INPP4A: variants seen among roughly 807,000 people sequenced by gnomAD.
The protein encoded by INPP4A is inositol polyphosphate-4-phosphatase, type I, 107kD.
In INPP4A, 33 loss-of-function variants were observed where a neutral mutation model predicts 119.8. That is an observed-to-expected ratio of 0.28 (90% CI 0.21 to 0.37). The LOEUF (loss-of-function observed/expected upper bound fraction) is 0.37. Among genes scored for constraint, INPP4A ranks in the 10% least tolerant of loss-of-function variants. The pLI, the probability that INPP4A is intolerant of heterozygous loss-of-function variation, is 1.00. For missense variants in INPP4A, 956 were observed against 1,289.9 expected, an observed-to-expected ratio of 0.74 and a Z score of 3.97; for synonymous variants, 496 against 500.7, an observed-to-expected ratio of 0.99 and a Z score of 0.12.
chr2:98,560,706 GTGC>G (rs1695321055), intron 17 of INPP4A, among the ~76,000 whole-genome samples: 1 of 152,230 alleles, frequency 6.6e-6, no homozygotes, highest in South Asian at 2.1e-4. Context: ...CGGCAGGCCA[GTGC>G]CTTCGGACTG....
At chr2:98,532,355 C>T (rs954008821) in intron 4 of INPP4A, among the ~76,000 whole-genome samples, 2 of 151,804 alleles carry the variant, frequency 1.3e-5, no homozygotes, top group African/African-American at 4.9e-5. Context: ...GTTGTGGACA[C>T]AATAACATAT....
At chr2:98,494,726 C>G (rs1336262346) in intron 1 of INPP4A, among the ~76,000 whole-genome samples, 4 of 152,134 alleles carry the variant, frequency 2.6e-5, no homozygotes, top group Admixed American at 2.6e-4. Flanking sequence ...TAAAGAGTGT[C>G]TGGGATCAGA....
rs558837018 is a variant in INPP4A, at chr2:98,499,446, C to T, written c.-165-19518C>T. Among the ~76,000 whole-genome samples, 6 of 152,314 alleles carry T rather than the reference C, an allele frequency of 3.9e-5. No homozygotes were observed. The South Asian group carries it at 1.2e-3, about 32-fold the overall frequency. ...CTCATCTAGCCTTGTTTAAGATCTG[C>T]AGAATGCTATATTTGTTTAACTTTA... On this transcript the variant is annotated intron_variant, in intron 1 of 24. Transcript: ENST00000409851.
At chr2:98,537,739 G>A in intron 7 of INPP4A, 124 bp from the exon 8 acceptor site, 3 of 684,860 alleles carry the variant, frequency 4.4e-6, no homozygotes, top group Non-Finnish European at 8.0e-6. Flanking sequence ...CTGACTGACT[G>A]GTCAGTCAGC....
At chr2:98,540,011 C>T (rs953343437) in intron 10 of INPP4A, among the ~76,000 whole-genome samples, 3 of 152,168 alleles carry the variant, frequency 2.0e-5, no homozygotes, top group African/African-American at 7.2e-5. Flanking sequence ...CAGCTCAATG[C>T]AGCCTCTTCT....
chr2:98,539,717 TC>T, intron 10 of INPP4A, 42 bp downstream of exon 10: 1 of 1,569,398 alleles, frequency 6.4e-7, no homozygotes, highest in East Asian at 2.4e-5. Flanking sequence ...CATACCCATG[TC>T]ATGTGCCCCT....
At position 98,552,849 on chromosome 2, in the gene INPP4A, C is replaced by G; in HGVS notation, c.1227C>G (p.Ile409Met). The G allele has an allele frequency of 3.1e-6, 5 of 1,613,792 alleles. No homozygotes were observed. Among genetic ancestry groups the G allele is most frequent in the Non-Finnish European group, 3.4e-6 (4 of 1,179,758 alleles). ...AGGATGTTGTCAGAGCCAAGGAGATCATCGCCCAGATCAACACCCTGAAAA... is the reference window on the plus strand; with the variant it reads ...AGGATGTTGTCAGAGCCAAGGAGATGATCGCCCAGATCAACACCCTGAAAA... ...IPQDVVRAKEIIAQINTLKTQ... is the reference protein window; with the variant it reads ...IPQDVVRAKEMIAQINTLKTQ... Residue 409 changes from isoleucine to methionine, a missense_variant, in exon 14 of 25, where the codon ATC (isoleucine) becomes ATG (methionine). This residue lies in a region of INPP4A where 652 missense variants were observed against 797.9 expected (regional missense o/e 0.82). Coordinates refer to ENST00000409851, the MANE Select transcript of INPP4A (RefSeq NM_001134225.2).
intron 23 of INPP4A, among the ~76,000 whole-genome samples, chr2:98,573,707 G>A (rs2106447474): frequency 6.6e-6 from 1 of 152,268 alleles, no homozygotes; most frequent in East Asian, 1.9e-4. Context: ...TTGTCAGGAA[G>A]GTGCTTCTCT....
chr2:98,513,622 T>C (rs1176994197), intron 1 of INPP4A, among the ~76,000 whole-genome samples: 1 of 152,216 alleles, frequency 6.6e-6, no homozygotes, highest in East Asian at 1.9e-4. Context: ...GAGCGGATGC[T>C]TGGGAGCAGA....
At chr2:98,526,119 G>A (rs1688142948) in intron 4 of INPP4A, among the ~76,000 whole-genome samples, 1 of 152,088 alleles carries the variant, frequency 6.6e-6, no homozygotes. Context: ...AAAAAAGAAT[G>A]AATTATCAAT....
chr2:98,527,654 AAGAC>A (rs1364330735), intron 4 of INPP4A, among the ~76,000 whole-genome samples: 1 of 152,232 alleles, frequency 6.6e-6, no homozygotes, highest in African/African-American at 2.4e-5. Context: ...AATGAAGGCT[AAGAC>A]AGAGTTATAA....
rs1176466294 is a variant in INPP4A at position 98,591,473 on chromosome 2, AG to A, written c.*3868del. The A allele has an allele frequency of 6.6e-6, 1 of 152,210 alleles. No individual in the cohort carries two copies. Among genetic ancestry groups the A allele is most frequent in the African/African-American group, 2.4e-5 (1 of 41,434 alleles). The allele number at this position is 152,210 out of a possible 1,614,324, so 9.4% of individuals were successfully genotyped here. A position where few individuals can be genotyped will look rare whatever the true frequency, so the allele number is the denominator to read the frequency against. On this transcript the variant is annotated 3_prime_UTR_variant, in exon 25 of 25. Transcript: ENST00000409851. Reference sequence around the variant, plus strand: ...TTGTGCTTACAGTATGTAAAGTCAGAGGGAATCCCTCAAGGTCAGGCCTAAT... The same window carrying A: ...TTGTGCTTACAGTATGTAAAGTCAGAGGAATCCCTCAAGGTCAGGCCTAAT...
rs899415769 is a variant in INPP4A at position 98,447,363 on chromosome 2, G to A, written c.-166+2278G>A. On this transcript the variant is annotated intron_variant, in intron 1 of 24. Coordinates refer to ENST00000409851, the MANE Select transcript of INPP4A (RefSeq NM_001134225.2). ...CTGGTCTTGAGAGAGCCTTCGAAACGGCTTTTTTTTTCAGTGTCCTAAAAC... is the reference window on the plus strand; with the variant it reads ...CTGGTCTTGAGAGAGCCTTCGAAACAGCTTTTTTTTTCAGTGTCCTAAAAC... 2.2e-5 allele frequency among the ~76,000 whole-genome samples: 3 copies of A among 135,802 alleles called. No homozygotes were observed. The South Asian group carries it at 7.1e-4, about 32-fold the overall frequency. The allele number at this position is 135,802 out of a possible 152,430, so 89.1% of individuals were successfully genotyped here. A position where few individuals can be genotyped will look rare whatever the true frequency, so the allele number is the denominator to read the frequency against.
intron 15 of INPP4A, 106 bp from the exon 16 acceptor site, chr2:98,555,447 G>C: frequency 1.7e-6 from 2 of 1,205,594 alleles, no homozygotes; most frequent in Non-Finnish European, 2.3e-6. Context: ...ATTTTAACAA[G>C]TGTGGAAGCC....
chr2:98,564,746 G>A lies in INPP4A; in HGVS notation c.2135G>A (p.Ser712Asn). 6.3e-7 allele frequency: 1 copy of A among 1,595,170 alleles called. No individual in the cohort carries two copies. Among genetic ancestry groups the A allele is most frequent in the Non-Finnish European group, 8.5e-7 (1 of 1,170,906 alleles). Reference protein sequence around the residue: ...YTIGLLAQFESLLSTYGEELA... With the variant: ...YTIGLLAQFENLLSTYGEELA... ...ATCGGGCTGCTGGCCCAGTTCGAGA[G>A]CCTGCTGAGCACCTACGGTGAGGCG... is the stretch of plus-strand genomic sequence containing the variant. The change falls in exon 19 of 25, where the codon AGC (serine) becomes AAC (asparagine). Residue 712 changes from serine (S) to asparagine (N), a missense_variant. Coordinates refer to ENST00000409851, the MANE Select transcript of INPP4A (RefSeq NM_001134225.2).
chr2:98,455,627 A>G (rs917709922), intron 1 of INPP4A, among the ~76,000 whole-genome samples: 1 of 152,132 alleles, frequency 6.6e-6, no homozygotes, highest in African/African-American at 2.4e-5. Context: ...TGACAGTGGA[A>G]TGGAGTGGTG....
At position 98,543,989 on chromosome 2, in the gene INPP4A, G is replaced by A. The variant is rs777449349; in HGVS notation, c.931G>A (p.Asp311Asn). 25 of 1,566,410 alleles carry A rather than the reference G, an allele frequency of 1.6e-5. No homozygotes were observed. In the East Asian group the frequency reaches 3.6e-4, roughly 22 times the overall value. ...IILTYQENLTDLHQYRGPSFK... is the reference protein window; with the variant it reads ...IILTYQENLTNLHQYRGPSFK... ...CCTCACATACCAGGAGAACCTGACC[G>A]ACCTCCATCAGTACAGAGGTGGGTG... The change falls in exon 11 of 25, where the codon GAC becomes AAC. Residue 311 changes from aspartate (D) to asparagine (N), a missense_variant. Transcript: ENST00000409851.
intron 17 of INPP4A, among the ~76,000 whole-genome samples, chr2:98,560,901 C>T (rs2106301229): frequency 6.6e-6 from 1 of 152,372 alleles, no homozygotes; most frequent in Middle Eastern, 3.4e-3. Flanking sequence ...GGGCAGCACA[C>T]AGACAATGCC....
At chr2:98,480,577 CT>C (rs1678206206) in intron 1 of INPP4A, among the ~76,000 whole-genome samples, 1 of 152,204 alleles carries the variant, frequency 6.6e-6, no homozygotes, top group African/African-American at 2.4e-5. Context: ...TGAGTCTGGG[CT>C]CTTTCTCCTA....
Sources: allele counts gnomAD v4.1 joint callset (sites outside exome capture counted in the v4.1 genomes callset), GRCh38; gene constraint gnomAD v4.1.1; regional missense constraint gnomAD v4.1.1; transcripts MANE v1.5; gene names NCBI Gene and HGNC (gene_info 2026-07-23, HGNC 2026-07-21).